SERPINB13: variants seen among roughly 807,000 people sequenced by gnomAD.
SERPINB13 encodes the protein serpin family B member 13, also known as serpin B13.
Under a neutral mutation model 31.2 loss-of-function variants are expected in SERPINB13, and 26 were observed. The observed-to-expected ratio is 0.83, with a 90% CI of 0.61 to 1.15. SERPINB13 has a LOEUF of 1.15. Ranked by LOEUF, SERPINB13 falls within the 50% of genes most tolerant of loss-of-function variation. The pLI is 0.00. For missense variants in SERPINB13, 510 were observed against 469.4 expected (o/e 1.09, Z -0.80); for synonymous variants, 191 against 172.4 (o/e 1.11, Z -0.85).
intron 5 of SERPINB13, among the ~76,000 whole-genome samples, chr18:63,593,389 TTC>T (rs754426384): frequency 5.9e-5 from 9 of 152,216 alleles, no homozygotes; most frequent in Non-Finnish European, 1.3e-4. Context: ...TCCTGAGTTT[TTC>T]TCTGTCTGTG....
intron 2 of SERPINB13, among the ~76,000 whole-genome samples, chr18:63,589,062 G>A (rs113852115): frequency 6.6e-6 from 1 of 152,088 alleles, no homozygotes; most frequent in Admixed American, 6.6e-5. Context: ...TTTGAGTAGA[G>A]ACTGGTTGCG....
chr18:63,596,980 G>C lies in SERPINB13; in HGVS notation c.793G>C (p.Glu265Gln). Residue 265 changes from glutamate (E) to glutamine (Q), a missense_variant, in exon 8 of 8, where the codon GAG becomes CAG. Physicochemically the swap from Glu to Gln is conservative, Grantham distance 29. Coordinates refer to ENST00000344731, the MANE Select transcript of SERPINB13 (RefSeq NM_012397.4). ...ATAGATAATAGATAAAATAAGTCCTGAGAAATTGGTAGAGTGGACTAGTCC... is the reference window on the plus strand; with the variant it reads ...ATAGATAATAGATAAAATAAGTCCTCAGAAATTGGTAGAGTGGACTAGTCC... ...LEKIIDKISP[E>Q]KLVEWTSPGH... is the part of the protein sequence containing the mutation. The C allele has an allele frequency of 6.2e-7, 1 of 1,609,762 alleles. No individual in the cohort carries two copies. The highest frequency in any genetic ancestry group is 8.5e-7 in the Non-Finnish European group (1 of 1,177,948).
chr18:63,594,991 T>C (rs1912076345), intron 6 of SERPINB13, 38 bp from the exon 7 acceptor site: 11 of 1,568,830 alleles, frequency 7.0e-6, no homozygotes, highest in East Asian at 2.3e-5. Context: ...TTTGGTCTTA[T>C]GTCCTTTGAT....
intron 5 of SERPINB13, 99 bp from the exon 6 acceptor site, chr18:63,594,256 T>G (rs748273316): frequency 6.4e-7 from 1 of 1,571,240 alleles, no homozygotes. Flanking sequence ...CCTGGCTGGG[T>G]TTTTAATGAT....
chr18:63,588,945 A>G, intron 2 of SERPINB13, 113 bp downstream of exon 2: 1 of 1,137,300 alleles, frequency 8.8e-7, no homozygotes, highest in Non-Finnish European at 1.2e-6. Context: ...CCTGTGGACC[A>G]GGAAACAGAG....
intron 7 of SERPINB13, among the ~76,000 whole-genome samples, chr18:63,595,935 T>G (rs1305967557): frequency 6.6e-6 from 1 of 150,608 alleles, no homozygotes; most frequent in Non-Finnish European, 1.5e-5. Context: ...AATAAATAAA[T>G]AAATAAATAA....
intron 3 of SERPINB13, among the ~76,000 whole-genome samples, chr18:63,591,421 TTCCTTCCTTCCC>T (rs1171726033): frequency 1.3e-5 from 2 of 150,908 alleles, no homozygotes; most frequent in African/African-American, 4.9e-5. Context: ...CCTTCCTTCC[TTCCTTCCTTCCC>T]TCCTTCCTTC....
At chr18:63,594,030 G>A in intron 5 of SERPINB13, 1 of 606,416 alleles carries the variant, frequency 1.6e-6, no homozygotes, top group Non-Finnish European at 2.9e-6. Context: ...TTACAGATGT[G>A]GAAACTGAGG....
chr18:63,592,977 G>A lies in SERPINB13; in HGVS notation c.472+6G>A. 1 of 1,519,378 alleles carries A rather than the reference G, an allele frequency of 6.6e-7. No homozygotes were observed. The highest frequency in any genetic ancestry group is 2.2e-5 in the East Asian group (1 of 44,466). 94.1% of individuals were successfully genotyped at this position (1,519,378 alleles called of 1,614,324 possible). On this transcript the variant is annotated splice_donor_region_variant and intron_variant, in intron 5 of 7. Transcript: ENST00000344731. ...GGTTGAAAGCAAAACAAATGGTAGA[G>A]TATGGGTGGGTCATTCATTGCAAAA...
intron 7 of SERPINB13, 35 bp from the exon 8 acceptor site, chr18:63,596,924 A>G (rs912958682): frequency 3.3e-6 from 5 of 1,516,868 alleles, no homozygotes; most frequent in Non-Finnish European, 4.5e-6. Context: ...TTTATTGATA[A>G]TCATGCCATT....
chr18:63,597,454 G>A lies in SERPINB13; in HGVS notation c.*91G>A. ...ATGAAAATCGTCCATTCTTTTAAATGTTGTCTCACTTGCATTTCCAGTCTT... is the reference window on the plus strand; with the variant it reads ...ATGAAAATCGTCCATTCTTTTAAATATTGTCTCACTTGCATTTCCAGTCTT... On this transcript the variant is annotated 3_prime_UTR_variant, in exon 8 of 8. Transcript: ENST00000344731. 8 of 1,357,818 alleles carry A rather than the reference G, an allele frequency of 5.9e-6. No homozygotes were observed. The highest frequency in any genetic ancestry group is 8.0e-6 in the Non-Finnish European group (8 of 996,960). The allele number at this position is 1,357,818 out of a possible 1,614,324, so 84.1% of individuals were successfully genotyped here.
At chr18:63,588,597 CT>C in intron 1 of SERPINB13, 53 bp from the exon 2 acceptor site, 1 of 1,543,614 alleles carries the variant, frequency 6.5e-7, no homozygotes, top group Non-Finnish European at 8.9e-7. Context: ...AAGGATTCCC[CT>C]GACACAGAGT....
chr18:63,588,956 A>G (rs1911681583), intron 2 of SERPINB13, 124 bp downstream of exon 2: 1 of 1,067,030 alleles, frequency 9.4e-7, no homozygotes, highest in South Asian at 1.8e-5. Flanking sequence ...GGAAACAGAG[A>G]CTTTCAAGAC....
At position 63,595,094 on chromosome 18, in the gene SERPINB13, C is replaced by A. The variant is rs531363371; in HGVS notation, c.681C>A (p.Asp227Glu). ...CCTTTAGCTTCACTTTCCTGGAGGA[C>A]TTGCAGGCCAAAATTCTAGGGATTC... ...SHSFSFTFLEDLQAKILGIPY... is the reference protein window; with the variant it reads ...SHSFSFTFLEELQAKILGIPY... Residue 227 changes from aspartate (D) to glutamate (E), a missense_variant, in exon 7 of 8, where the codon GAC (aspartate) becomes GAA (glutamate). Asp to Glu is a conservative substitution (Grantham distance 45). Transcript: ENST00000344731. The A allele has an allele frequency of 2.5e-6, 4 of 1,614,096 alleles. No homozygotes were observed. The South Asian group carries it at 3.3e-5, about 13-fold the overall frequency.
At position 63,587,389 on chromosome 18, in the gene SERPINB13, C is replaced by G; in HGVS notation, c.-79C>G. The G allele has an allele frequency of 2.1e-6, 1 of 470,532 alleles. No homozygotes were observed. The highest frequency in any genetic ancestry group is 4.4e-6 in the Non-Finnish European group (1 of 226,850). The allele number at this position is 470,532 out of a possible 1,614,324, so 29.1% of individuals were successfully genotyped here. A position where few individuals can be genotyped will look rare whatever the true frequency, so the allele number is the denominator to read the frequency against. ...AACTATAAATTAAGGATCCCAGCTA[C>G]TTAATTGACTTATGCTTCCTAGTTC... On this transcript the variant is annotated 5_prime_UTR_variant, in exon 1 of 8. Transcript: ENST00000344731.
At chr18:63,594,607 A>C (rs977707113) in intron 6 of SERPINB13, 110 bp downstream of exon 6, 2 of 1,166,884 alleles carry the variant, frequency 1.7e-6, no homozygotes, top group African/African-American at 3.1e-5. Flanking sequence ...TTGGGAGGCC[A>C]AGGTGGGTGG....
intron 5 of SERPINB13, 40 bp from the exon 6 acceptor site, chr18:63,594,315 T>G: frequency 6.2e-7 from 1 of 1,612,502 alleles, no homozygotes; most frequent in Non-Finnish European, 8.5e-7. Context: ...ATTTGTCATT[T>G]GGAAGATGGG....
chr18:63,593,071 C>G, intron 5 of SERPINB13, 100 bp downstream of exon 5: 1 of 760,592 alleles, frequency 1.3e-6, no homozygotes, highest in Non-Finnish European at 2.2e-6. Context: ...AAGCCCTGGA[C>G]TTGTCACTGC....
rs1192918179 is a variant in SERPINB13, at chr18:63,599,099, G to A, written c.*1736G>A. Reference sequence around the variant, plus strand: ...TGCTCATTTTTAATTTGGGTTGTCTGTCTTGTCTTCTCATTTTATTGAGTT... The same window carrying A: ...TGCTCATTTTTAATTTGGGTTGTCTATCTTGTCTTCTCATTTTATTGAGTT... On this transcript the variant is annotated 3_prime_UTR_variant, in exon 8 of 8. Transcript: ENST00000344731. The A allele has an allele frequency of 6.6e-6, 1 of 152,028 alleles. No homozygotes were observed. Among genetic ancestry groups the A allele is most frequent in the East Asian group, 1.9e-4 (1 of 5,202 alleles). 9.4% of individuals were successfully genotyped at this position (152,028 alleles called of 1,614,324 possible). A position where few individuals can be genotyped will look rare whatever the true frequency, so the allele number is the denominator to read the frequency against.
Sources: gnomAD v4.1 joint callset for allele counts (sites outside exome capture counted in the v4.1 genomes callset) on GRCh38, gnomAD v4.1.1 for gene constraint, MANE v1.5 for transcripts, NCBI Gene and HGNC (gene_info 2026-07-23, HGNC 2026-07-21) for gene names.